The following GPR89B variants were observed in gnomAD, a reference collection of about 807,000 sequenced individuals.
GPR89B encodes G protein-coupled receptor 89B.
GPR89B carries 25 observed loss-of-function variants against 52.4 expected under a neutral mutation model. The ratio of observed to expected loss-of-function variants is 0.48; its 90% CI spans 0.35 to 0.67. The LOEUF (loss-of-function observed/expected upper bound fraction) is 0.67, where lower values mean the gene tolerates loss of function less well. Among genes scored for constraint, GPR89B ranks in the 30% least tolerant of loss-of-function variants. The pLI is 0.01. For missense variants in GPR89B, 146 were observed against 450.2 expected (o/e 0.32, Z 6.11); for synonymous variants, 52 against 151.2 (o/e 0.34, Z 4.81).
intron 7 of GPR89B, among the ~76,000 whole-genome samples, chr1:147,963,540 G>T (rs1656797448): frequency 6.6e-6 from 1 of 151,962 alleles, no homozygotes; most frequent in Non-Finnish European, 1.5e-5. Context: ...CAAAAATGAT[G>T]AACATTTTAT....
chr1:147,968,394 G>T (rs1310980278), intron 8 of GPR89B: 1 of 453,810 alleles, frequency 2.2e-6, no homozygotes, highest in Non-Finnish European at 4.4e-6. Context: ...ATGAAGATAA[G>T]ATATAAAAGA....
intron 7 of GPR89B, among the ~76,000 whole-genome samples, chr1:147,966,165 A>G (rs1657023801): frequency 2.0e-5 from 3 of 151,850 alleles, no homozygotes; most frequent in Admixed American, 2.0e-4. Flanking sequence ...TAGCTGTTTT[A>G]TTTTGTCTTT....
chr1:147,980,805 C>T (rs1193249270), intron 10 of GPR89B, among the ~76,000 whole-genome samples: 1 of 114,306 alleles, frequency 8.7e-6, no homozygotes, highest in Non-Finnish European at 1.6e-5. Context: ...GGCGACAGAG[C>T]GAGACTCCGT....
At chr1:147,990,144 A>G (rs1486407031) in intron 12 of GPR89B, among the ~76,000 whole-genome samples, 2 of 152,136 alleles carry the variant, frequency 1.3e-5, no homozygotes, top group African/African-American at 4.8e-5. Context: ...TGACTTTTTA[A>G]TGATCACCAT....
chr1:147,989,869 G>GCT (rs1658934549), intron 12 of GPR89B, among the ~76,000 whole-genome samples: 3 of 152,126 alleles, frequency 2.0e-5, no homozygotes. Context: ...CTTTGCTATT[G>GCT]TGAATAGAGT....
At chr1:148,013,928 G>A in the GPR89B span, among the ~76,000 whole-genome samples, 8 of 151,752 alleles carry the variant, frequency 5.3e-5, no homozygotes, top group Admixed American at 1.3e-4. Context: ...GAGGGCGCGC[G>A]GGACCCAGGA....
chr1:147,988,294 C>T, intron 11 of GPR89B, 138 bp from the exon 12 acceptor site: 1 of 997,602 alleles, frequency 1.0e-6, no homozygotes, highest in South Asian at 1.4e-5. Context: ...TTGCTTTCCT[C>T]TCTCCCTTAA....
intron 10 of GPR89B, among the ~76,000 whole-genome samples, chr1:147,970,551 C>CTCTCTCTCTCTCTCTA (rs1657384126): frequency 7.9e-6 from 1 of 126,608 alleles, no homozygotes; most frequent in African/African-American, 3.1e-5. Context: ...ATCTCTCTCT[C>CTCTCTCTCTCTCTCTA]TCTATCTCTC....
chr1:147,972,219 A>G (rs1172026526), intron 10 of GPR89B, among the ~76,000 whole-genome samples: 1 of 150,904 alleles, frequency 6.6e-6, no homozygotes, highest in African/African-American at 2.4e-5. Flanking sequence ...TTGTTTGTCC[A>G]TTCATCTGAT....
intron 10 of GPR89B, among the ~76,000 whole-genome samples, chr1:147,970,555 ATCTC>A (rs1200595357): frequency 2.1e-4 from 16 of 76,526 alleles, no homozygotes; most frequent in African/African-American, 5.1e-4. Context: ...CTCTCTCTCT[ATCTC>A]TCTCTCTCTC....
intron 10 of GPR89B, among the ~76,000 whole-genome samples, chr1:147,981,932 G>T (rs1434794058): frequency 4.6e-5 from 7 of 151,832 alleles, no homozygotes; most frequent in Admixed American, 2.6e-4. Flanking sequence ...GATTATATCC[G>T]TGAGCCACCA....
chr1:147,973,129 A>G lies in GPR89B; in HGVS notation c.909+3170A>G, dbSNP rs1209270569. ...AGTGCTGCAGTGGGCGTACATGTGTATGTATCTTTATAATGGAATGATTTA... is the reference window on the plus strand; with the variant it reads ...AGTGCTGCAGTGGGCGTACATGTGTGTGTATCTTTATAATGGAATGATTTA... On this transcript the variant is annotated intron_variant, in intron 10 of 13. Coordinates refer to ENST00000314163, the MANE Select transcript of GPR89B (RefSeq NM_016334.5). Among the ~76,000 whole-genome samples the G allele has an allele frequency of 1.3e-3, 195 of 151,948 alleles. 2 individuals carry two copies. Among genetic ancestry groups the G allele is most frequent in the African/African-American group, 4.2e-3 (175 of 41,288 alleles).
chr1:147,981,997 G>A (rs1296187393), intron 10 of GPR89B, among the ~76,000 whole-genome samples: 6 of 151,818 alleles, frequency 4.0e-5, no homozygotes, highest in Admixed American at 2.0e-4. Flanking sequence ...TTTCTCTTAT[G>A]TGTATATCTA....
the GPR89B span, chr1:148,009,251 A>C: frequency 4.1e-6 from 6 of 1,476,158 alleles, no homozygotes; most frequent in East Asian, 1.1e-4. Context: ...AAGTCAGTCG[A>C]AGAAAAGTCA....
intron 7 of GPR89B, among the ~76,000 whole-genome samples, chr1:147,959,722 C>T (rs1402080555): frequency 1.2e-4 from 18 of 152,148 alleles, no homozygotes; most frequent in Non-Finnish European, 2.1e-4. Flanking sequence ...TGTATTTCCA[C>T]GGTAAACACC....
chr1:147,981,038 G>T (rs1277887274), intron 10 of GPR89B, among the ~76,000 whole-genome samples: 3 of 151,516 alleles, frequency 2.0e-5, no homozygotes, highest in Non-Finnish European at 4.4e-5. Flanking sequence ...GTTGGGGGGG[G>T]CTTTTTAAAT....
At chr1:148,000,285 CAT>C in the GPR89B span, among the ~76,000 whole-genome samples, 1 of 150,800 alleles carries the variant, frequency 6.6e-6, no homozygotes, top group Non-Finnish European at 1.5e-5. Flanking sequence ...ACTTTAAGCA[CAT>C]AAACGGTTAG....
rs587718038 is a variant in GPR89B, at chr1:147,950,082, C to A, written c.416-3263C>A. On this transcript the variant is annotated intron_variant, in intron 5 of 13. Coordinates refer to ENST00000314163, the MANE Select transcript of GPR89B (RefSeq NM_016334.5). The stretch of plus-strand genomic sequence containing the variant: ...TGGCCGTGCGGGGGGCTGATCCCCC[C>A]ACCTCCCTCCCGGACGGGGTGGCTG... Among the ~76,000 whole-genome samples the A allele has an allele frequency of 6.4e-3, 959 of 150,668 alleles. 33 individuals carry two copies. The highest frequency in any genetic ancestry group is 0.022 in the African/African-American group (899 of 40,898).
chr1:147,995,388 G>A (rs1659291194), downstream of GPR89B, among the ~76,000 whole-genome samples: 1 of 151,056 alleles, frequency 6.6e-6, no homozygotes, highest in African/African-American at 2.4e-5. Flanking sequence ...GACAGTTGCT[G>A]TCAGCTGCAT....
Sources: gnomAD v4.1 joint callset for allele counts (sites outside exome capture counted in the v4.1 genomes callset) on GRCh38, gnomAD v4.1.1 for gene constraint, MANE v1.5 for transcripts, NCBI Gene and HGNC (gene_info 2026-07-23, HGNC 2026-07-21) for gene names.